The following YWHAE variants were observed in gnomAD, a reference collection of about 807,000 sequenced individuals.
YWHAE encodes the protein tyrosine 3-monooxygenase/tryptophan 5-monooxygenase activation protein epsilon.
A neutral mutation model predicts 30.1 loss-of-function variants in YWHAE; 4 were observed. The observed-to-expected ratio is 0.13, with a 90% CI of 0.07 to 0.30. The LOEUF is 0.30. YWHAE is among the 10% of genes least tolerant of loss of function. YWHAE has a pLI of 1.00. For synonymous variants in YWHAE, 118 were observed against 111.8 expected (o/e 1.06, Z -0.35); for missense variants, 121 against 315.9 (o/e 0.38, Z 4.68).
intron 1 of YWHAE, among the ~76,000 whole-genome samples, chr17:1,366,451 T>C (rs749154779): frequency 2.6e-5 from 4 of 151,760 alleles, no homozygotes; most frequent in Non-Finnish European, 4.4e-5. Flanking sequence ...GGCAGCAGAA[T>C]TGCTTGAACC....
intron 1 of YWHAE, among the ~76,000 whole-genome samples, 190 bp from the exon 2 acceptor site, chr17:1,365,248 A>G (rs2072924294): frequency 2.4e-5 from 2 of 84,402 alleles, no homozygotes. Context: ...GAGCCAATAC[A>G]AAGACTCCAG....
chr17:1,382,817 G>T (rs1340293659), intron 1 of YWHAE, among the ~76,000 whole-genome samples: 2 of 152,106 alleles, frequency 1.3e-5, no homozygotes, highest in African/African-American at 2.4e-5. Context: ...TTGAGGTCAG[G>T]AGATCGAGAC....
chr17:1,399,977 T>C lies in YWHAE; in HGVS notation c.64+70A>G, dbSNP rs555951273. 39 of 1,591,120 alleles carry C rather than the reference T, an allele frequency of 2.5e-5. No individual in the cohort carries two copies. In the African/African-American group the frequency reaches 4.4e-4, roughly 18 times the overall value. ...CAGACGATGCCGCCATTTTGTCTCC[T>C]GTTCCCGGCCTCTGTGGGCGGCGGC... On this transcript the variant is annotated intron_variant, in intron 1 of 5. Transcript: ENST00000264335.
At chr17:1,394,456 A>C (rs1041015608) in intron 1 of YWHAE, among the ~76,000 whole-genome samples, 9 of 148,146 alleles carry the variant, frequency 6.1e-5, no homozygotes, top group East Asian at 5.8e-4. Flanking sequence ...AAAAAAAAAA[A>C]AAAAACACAA....
Position 1,364,833 on chromosome 17 carries a change from GGGGGAT to G in YWHAE, c.264+20_264+25del. The G allele has an allele frequency of 6.2e-7, 1 of 1,613,770 alleles. No individual in the cohort carries two copies. The highest frequency in any genetic ancestry group is 8.5e-7 in the Non-Finnish European group (1 of 1,179,742). The stretch of plus-strand genomic sequence containing the variant: ...ACAGGTAACTCAAACTGTGGATAAG[GGGGGAT>G]GATGGCACAACAATCTCACCATTTG... On this transcript the variant is annotated intron_variant, in intron 2 of 5. Transcript: ENST00000264335.
intron 1 of YWHAE, among the ~76,000 whole-genome samples, chr17:1,371,574 AT>A (rs2073043365): frequency 1.3e-5 from 2 of 152,092 alleles, no homozygotes; most frequent in Admixed American, 1.3e-4. Context: ...GAGGCCTCAA[AT>A]TTTTCAAACA....
chr17:1,346,469 A>G (rs922860502), intron 5 of YWHAE, among the ~76,000 whole-genome samples: 1 of 152,240 alleles, frequency 6.6e-6, no homozygotes, highest in Non-Finnish European at 1.5e-5. Flanking sequence ...AAATTATTTA[A>G]TTAGGATGGA....
intron 1 of YWHAE, among the ~76,000 whole-genome samples, chr17:1,393,064 G>A (rs914907212): frequency 2.0e-5 from 3 of 151,498 alleles, no homozygotes; most frequent in Non-Finnish European, 4.4e-5. Flanking sequence ...AAATTAGCTG[G>A]GAGTGGTGGA....
intron 1 of YWHAE, among the ~76,000 whole-genome samples, chr17:1,390,707 G>A (rs994862360): frequency 6.6e-6 from 1 of 152,152 alleles, no homozygotes; most frequent in Non-Finnish European, 1.5e-5. Flanking sequence ...TTACAGTAAT[G>A]CATCTCCTTC....
chr17:1,362,048 A>G (rs1280245697), intron 2 of YWHAE, 40 bp from the exon 3 acceptor site: 1 of 1,256,554 alleles, frequency 8.0e-7, no homozygotes, highest in Admixed American at 2.7e-5. Flanking sequence ...GATTAAGTCT[A>G]GAAATTCTAC....
intron 1 of YWHAE, among the ~76,000 whole-genome samples, chr17:1,383,125 T>A (rs2073241504): frequency 6.7e-6 from 1 of 150,198 alleles, no homozygotes. Context: ...CCGAGGCACA[T>A]GGATCACCTG....
intron 1 of YWHAE, among the ~76,000 whole-genome samples, chr17:1,366,267 T>C (rs1249017137): frequency 6.6e-6 from 1 of 151,660 alleles, no homozygotes; most frequent in East Asian, 1.9e-4. Context: ...AGGCTGGATG[T>C]AGTGGCTCAT....
At chr17:1,373,037 T>C (rs1277420381) in intron 1 of YWHAE, among the ~76,000 whole-genome samples, 1 of 148,856 alleles carries the variant, frequency 6.7e-6, no homozygotes. Context: ...AGGTCGGGAG[T>C]TCGAGACCAC....
intron 1 of YWHAE, among the ~76,000 whole-genome samples, chr17:1,376,374 C>A (rs67056666): frequency 3.4e-4 from 26 of 77,022 alleles, no homozygotes; most frequent in African/African-American, 8.7e-4. Context: ...GACAGACAGA[C>A]AGAAAGAAAG....
At chr17:1,371,891 T>C (rs2073048557) in intron 1 of YWHAE, among the ~76,000 whole-genome samples, 1 of 149,058 alleles carries the variant, frequency 6.7e-6, no homozygotes, top group South Asian at 2.1e-4. Flanking sequence ...CAGGCTGGAG[T>C]GCTGTCACAA....
chr17:1,381,263 C>T (rs1187570894), intron 1 of YWHAE, among the ~76,000 whole-genome samples: 1 of 152,042 alleles, frequency 6.6e-6, no homozygotes, highest in Non-Finnish European at 1.5e-5. Context: ...GCCTGTAATC[C>T]CAGCACTTTT....
chr17:1,371,333 T>G (rs1268598496), intron 1 of YWHAE, among the ~76,000 whole-genome samples: 2 of 152,068 alleles, frequency 1.3e-5, no homozygotes, highest in African/African-American at 2.4e-5. Context: ...GACCCACCCA[T>G]CTCGGCCTCC....
chr17:1,352,543 T>C (rs1425334037), intron 5 of YWHAE, among the ~76,000 whole-genome samples: 1 of 150,522 alleles, frequency 6.6e-6, no homozygotes, highest in African/African-American at 2.4e-5. Flanking sequence ...TTTTTTTTTT[T>C]AGATGGAGTC....
intron 1 of YWHAE, among the ~76,000 whole-genome samples, chr17:1,394,836 G>A (rs898029277): frequency 4.0e-5 from 6 of 150,068 alleles, no homozygotes; most frequent in South Asian, 2.1e-4. Flanking sequence ...GTGCGATGGC[G>A]GGCGCCTGTA....
Sources: gnomAD v4.1 joint callset for allele counts (sites outside exome capture counted in the v4.1 genomes callset) on GRCh38, gnomAD v4.1.1 for gene constraint, MANE v1.5 for transcripts, NCBI Gene and HGNC (gene_info 2026-07-23, HGNC 2026-07-21) for gene names.